Variants in FYB1 observed in about 807,000 individuals in gnomAD.
The protein encoded by FYB1 is FYN-binding protein 1.
Under a neutral mutation model 94.1 loss-of-function variants are expected in FYB1, and 41 were observed. The observed-to-expected ratio is 0.44, with a 90% CI of 0.34 to 0.57. The LOEUF (loss-of-function observed/expected upper bound fraction) is 0.57, where lower values mean the gene tolerates loss of function less well. FYB1 is among the 20% of genes least tolerant of loss of function. The pLI is 0.02. For missense variants in FYB1, 1,050 were observed against 976.8 expected (o/e 1.07, Z -1.00); for synonymous variants, 367 against 353.2 (o/e 1.04, Z -0.44).
intron 1 of FYB1, among the ~76,000 whole-genome samples, chr5:39,248,402 T>C (rs528046672): frequency 3.5e-4 from 53 of 152,190 alleles, no homozygotes; most frequent in African/African-American, 1.3e-3. Flanking sequence ...AGGGCTTGAC[T>C]GGGACAACAG....
intron 1 of FYB1, among the ~76,000 whole-genome samples, chr5:39,229,655 G>T (rs570626206): frequency 5.9e-5 from 9 of 152,146 alleles, no homozygotes; most frequent in Non-Finnish European, 1.0e-4. Flanking sequence ...AAGGTGCAGA[G>T]AATTTATATA....
chr5:39,110,274 T>C, intron 17 of FYB1, 82 bp downstream of exon 17: 2 of 780,944 alleles, frequency 2.6e-6, no homozygotes, highest in Non-Finnish European at 4.1e-6. Context: ...GGTTACATTA[T>C]TTAAGTAATA....
At chr5:39,110,448 CT>C (rs1303492392) in intron 16 of FYB1, 59 bp from the exon 17 acceptor site, 3 of 1,115,984 alleles carry the variant, frequency 2.7e-6, no homozygotes, top group Admixed American at 1.9e-5. Flanking sequence ...ATCTTTAGTA[CT>C]TTTTTCAGGA....
intron 2 of FYB1, chr5:39,169,861 G>A (rs746111912): frequency 2.9e-5 from 16 of 543,226 alleles, no homozygotes; most frequent in East Asian, 3.9e-5. Context: ...AACACTTGAC[G>A]TCCAAGAACT....
intron 2 of FYB1, among the ~76,000 whole-genome samples, chr5:39,186,544 A>G (rs931624809): frequency 1.3e-5 from 2 of 152,080 alleles, no homozygotes; most frequent in African/African-American, 4.8e-5. Flanking sequence ...AAGAGACTGC[A>G]TCTACAAGAG....
At chr5:39,124,370 CT>C in intron 12 of FYB1, 92 bp from the exon 13 acceptor site, 1 of 738,756 alleles carries the variant, frequency 1.4e-6, no homozygotes, top group South Asian at 2.3e-5. Context: ...GGGCAATAGC[CT>C]AGAGGCATAT....
rs527301653 is a variant in FYB1 at position 39,105,826 on chromosome 5, A to G, written c.*1617T>C. ...AGACATTAAAATATTTCATAATTGG[A>G]GGGAATCTTTGGAGATTAGTGGCAT... On this transcript the variant is annotated 3_prime_UTR_variant, in exon 19 of 19. Coordinates refer to ENST00000512982, the MANE Select transcript of FYB1 (RefSeq NM_001465.6). The G allele has an allele frequency of 6.6e-6, 1 of 152,280 alleles. No individual in the cohort carries two copies. The highest frequency in any genetic ancestry group is 2.1e-4 in the South Asian group (1 of 4,830). 9.4% of individuals were successfully genotyped at this position (152,280 alleles called of 1,614,324 possible).
Position 39,134,860 on chromosome 5 carries a change from C to G in FYB1, c.1670G>C (p.Gly557Ala), listed in dbSNP as rs776742786. 1 of 1,613,816 alleles carries G rather than the reference C, an allele frequency of 6.2e-7. No homozygotes were observed. The highest frequency in any genetic ancestry group is 1.1e-5 in the South Asian group (1 of 91,060). The change falls in exon 8 of 19, where the codon GGT becomes GCT. Residue 557 changes from glycine (G) to alanine (A), a missense_variant. By Grantham distance (60) the Gly-to-Ala change is moderately conservative (BLOSUM62 0). Coordinates refer to ENST00000512982, the MANE Select transcript of FYB1 (RefSeq NM_001465.6). ...EGKWLGRTAR[G>A]SYGYIKTTAV... is the part of the protein sequence containing the mutation. ...ATAGAGAAATTTGCACTCACATGAA[C>G]CCCTTGCTGTTCTGCCCAACCATTT...
intron 1 of FYB1, chr5:39,270,716 G>A (rs1426441185): frequency 1.6e-6 from 1 of 610,836 alleles, no homozygotes. Context: ...ATTGATATGT[G>A]AGGCTACATT....
At chr5:39,178,800 C>T (rs1461328824) in intron 2 of FYB1, among the ~76,000 whole-genome samples, 1 of 152,136 alleles carries the variant, frequency 6.6e-6, no homozygotes, top group Non-Finnish European at 1.5e-5. Flanking sequence ...TAGACAGCTT[C>T]CCCCCAACAT....
intron 2 of FYB1, among the ~76,000 whole-genome samples, chr5:39,156,286 C>T (rs1210390649): frequency 6.6e-6 from 1 of 152,138 alleles, no homozygotes; most frequent in African/African-American, 2.4e-5. Flanking sequence ...CATCTATTCT[C>T]CTTTCTGTGG....
At chr5:39,145,132 C>T (rs886132459) in intron 3 of FYB1, among the ~76,000 whole-genome samples, 6 of 152,108 alleles carry the variant, frequency 3.9e-5, no homozygotes, top group Admixed American at 3.9e-4. Context: ...GCTCGTTATA[C>T]TATTCTTCCT....
intron 3 of FYB1, among the ~76,000 whole-genome samples, chr5:39,148,181 A>ATATATATATATATT: frequency 1.2e-5 from 1 of 84,340 alleles, no homozygotes; most frequent in Admixed American, 1.3e-4. Context: ...ATATATATAT[A>ATATATATATATATT]TATATATATA....
At chr5:39,232,789 T>C (rs1173834810) in intron 1 of FYB1, among the ~76,000 whole-genome samples, 1 of 146,860 alleles carries the variant, frequency 6.8e-6, no homozygotes, top group Admixed American at 6.8e-5. Flanking sequence ...CATTGTTCAA[T>C]TCCCACCTAT....
intron 1 of FYB1, among the ~76,000 whole-genome samples, chr5:39,252,391 T>A (rs565570100): frequency 6.6e-6 from 1 of 152,318 alleles, no homozygotes; most frequent in South Asian, 2.1e-4. Context: ...GACTGAATGG[T>A]CACATAATAT....
intron 1 of FYB1, among the ~76,000 whole-genome samples, chr5:39,229,968 T>G (rs1043211710): frequency 2.0e-5 from 3 of 152,190 alleles, no homozygotes; most frequent in Admixed American, 2.0e-4. Context: ...TTCAGAGCTC[T>G]CAGATGATTC....
chr5:39,107,635 T>C (rs1738650406), intron 18 of FYB1, among the ~76,000 whole-genome samples, 170 bp from the exon 19 acceptor site: 1 of 152,058 alleles, frequency 6.6e-6, no homozygotes, highest in South Asian at 2.1e-4. Flanking sequence ...ATTTAACTTT[T>C]ATTATTTAGT....
chr5:39,252,402 A>G (rs1249507732), intron 1 of FYB1, among the ~76,000 whole-genome samples: 1 of 152,220 alleles, frequency 6.6e-6, no homozygotes, highest in Non-Finnish European at 1.5e-5. Context: ...CACATAATAT[A>G]AGGGAAATAG....
intron 2 of FYB1, among the ~76,000 whole-genome samples, chr5:39,168,743 TA>T (rs1744971662): frequency 6.6e-6 from 1 of 152,242 alleles, no homozygotes; most frequent in African/African-American, 2.4e-5. Flanking sequence ...AGTCCAAACA[TA>T]ATAGTCAATT....
Sources: allele counts gnomAD v4.1 joint callset (sites outside exome capture counted in the v4.1 genomes callset), GRCh38; gene constraint gnomAD v4.1.1; transcripts MANE v1.5; gene names NCBI Gene and HGNC (gene_info 2026-07-23, HGNC 2026-07-21).